The following KCNH7 variants were observed in gnomAD, a reference collection of about 807,000 sequenced individuals.
KCNH7 encodes the protein potassium voltage-gated channel subfamily H member 7, also known as voltage-gated inwardly rectifying potassium channel KCNH7.
Under a neutral mutation model 120.8 loss-of-function variants are expected in KCNH7, and 49 were observed. That is an observed-to-expected ratio of 0.41 (90% CI 0.32 to 0.51). The LOEUF (loss-of-function observed/expected upper bound fraction) is 0.51, where lower values mean the gene tolerates loss of function less well. Among genes scored for constraint, KCNH7 ranks in the 20% least tolerant of loss-of-function variants. The pLI, the probability that KCNH7 is intolerant of heterozygous loss-of-function variation, is 0.38. For synonymous variants in KCNH7, 547 were observed against 516.1 expected (o/e 1.06, Z -0.81); for missense variants, 1,097 against 1,446.6 (o/e 0.76, Z 3.92).
chr2:162,558,738 T>C (rs1692949038), intron 2 of KCNH7, among the ~76,000 whole-genome samples: 1 of 150,510 alleles, frequency 6.6e-6, no homozygotes, highest in Admixed American at 6.6e-5. Context: ...TTGATAGGAG[T>C]TATTTCATAC....
At chr2:162,654,530 C>A (rs1043859075) in intron 2 of KCNH7, among the ~76,000 whole-genome samples, 2 of 151,660 alleles carry the variant, frequency 1.3e-5, no homozygotes, top group Admixed American at 6.6e-5. Flanking sequence ...AAAAGGAAAA[C>A]CTTGCACACT....
At chr2:162,456,599 G>A (rs1688971875) in intron 6 of KCNH7, among the ~76,000 whole-genome samples, 1 of 152,038 alleles carries the variant, frequency 6.6e-6, no homozygotes, top group Admixed American at 6.6e-5. Flanking sequence ...TATTGAGAGT[G>A]GGGTGTTAAA....
At chr2:162,793,109 T>C (rs746884018) in intron 2 of KCNH7, among the ~76,000 whole-genome samples, 4 of 152,018 alleles carry the variant, frequency 2.6e-5, no homozygotes, top group Non-Finnish European at 5.9e-5. Context: ...TGGAATACTA[T>C]GCAGCCATAA....
intron 14 of KCNH7, among the ~76,000 whole-genome samples, chr2:162,376,850 T>C (rs901495344): frequency 4.6e-5 from 7 of 152,204 alleles, no homozygotes; most frequent in African/African-American, 1.7e-4. Flanking sequence ...TAAATAGATG[T>C]ATCTGCAGGC....
intron 2 of KCNH7, among the ~76,000 whole-genome samples, chr2:162,632,693 A>G (rs1683816196): frequency 6.6e-6 from 1 of 151,860 alleles, no homozygotes; most frequent in Admixed American, 6.6e-5. Context: ...CTATAAATAC[A>G]TATAAATATA....
At chr2:162,489,585 C>A (rs901077218) in intron 6 of KCNH7, among the ~76,000 whole-genome samples, 1 of 152,134 alleles carries the variant, frequency 6.6e-6, no homozygotes, top group Non-Finnish European at 1.5e-5. Context: ...TAATCAAAGG[C>A]CCTTGAAGAC....
At chr2:162,378,699 C>T (rs12475446) in intron 14 of KCNH7, among the ~76,000 whole-genome samples, 6,405 of 152,240 alleles carry the variant, frequency 0.042, 388 homozygotes, top group Admixed American at 0.16. Flanking sequence ...GGTAAACAAC[C>T]GTCATCCCAA....
At chr2:162,733,282 C>T (rs1450617379) in intron 2 of KCNH7, among the ~76,000 whole-genome samples, 5 of 152,314 alleles carry the variant, frequency 3.3e-5, no homozygotes, top group African/African-American at 7.2e-5. Flanking sequence ...CTTCTTTAAA[C>T]GTATTACTTT....
intron 2 of KCNH7, among the ~76,000 whole-genome samples, chr2:162,602,382 G>C (rs1694588287): frequency 6.6e-6 from 1 of 152,074 alleles, no homozygotes; most frequent in Non-Finnish European, 1.5e-5. Flanking sequence ...CAAGGTTAGA[G>C]ATCTGAGGAA....
intron 6 of KCNH7, among the ~76,000 whole-genome samples, chr2:162,489,138 A>G (rs535194099): frequency 6.6e-6 from 1 of 152,358 alleles, no homozygotes; most frequent in Admixed American, 6.5e-5. Context: ...CTGCTTAATT[A>G]AAAATTCCAC....
intron 13 of KCNH7, among the ~76,000 whole-genome samples, chr2:162,382,969 A>T (rs1031369322): frequency 2.6e-5 from 4 of 151,996 alleles, no homozygotes; most frequent in South Asian, 2.1e-4. Context: ...GTAAATTTTT[A>T]AAAATTAGAA....
chr2:162,694,662 T>C (rs532713776), intron 2 of KCNH7, among the ~76,000 whole-genome samples: 1 of 152,070 alleles, frequency 6.6e-6, no homozygotes. Context: ...GCAAAACTAC[T>C]AAGAGGAGGT....
chr2:162,576,586 C>T (rs568303699), intron 2 of KCNH7, among the ~76,000 whole-genome samples: 8 of 152,094 alleles, frequency 5.3e-5, no homozygotes, highest in African/African-American at 1.9e-4. Context: ...CTCTATGTTT[C>T]TCACACTTTT....
At chr2:162,569,150 A>G (rs1574113326) in intron 2 of KCNH7, among the ~76,000 whole-genome samples, 1 of 151,970 alleles carries the variant, frequency 6.6e-6, no homozygotes, top group African/African-American at 2.4e-5. Flanking sequence ...CTGTGAATCC[A>G]TCTGGTCCTG....
At chr2:162,687,552 C>T (rs1179388168) in intron 2 of KCNH7, among the ~76,000 whole-genome samples, 2 of 151,898 alleles carry the variant, frequency 1.3e-5, no homozygotes, top group Non-Finnish European at 2.9e-5. Context: ...GCAATTTTTC[C>T]CAATTCTACA....
intron 8 of KCNH7, among the ~76,000 whole-genome samples, chr2:162,429,052 C>A (rs954842610): frequency 6.6e-6 from 1 of 151,674 alleles, no homozygotes; most frequent in African/African-American, 2.4e-5. Context: ...CTGCATTTCC[C>A]TTTTCACTTA....
At chr2:162,528,541 G>A (rs1159742873) in intron 3 of KCNH7, among the ~76,000 whole-genome samples, 1 of 151,960 alleles carries the variant, frequency 6.6e-6, no homozygotes, top group East Asian at 1.9e-4. Context: ...GGAATAAAGT[G>A]AATGGTAGCT....
intron 13 of KCNH7, 123 bp downstream of exon 13, chr2:162,384,565 A>G (rs1241864088): frequency 2.2e-5 from 22 of 987,768 alleles, no homozygotes; most frequent in Admixed American, 4.6e-5. Flanking sequence ...ACGCTTCGCG[A>G]ACATTTCATG....
chr2:162,430,802 A>C (rs1385014518), intron 8 of KCNH7, among the ~76,000 whole-genome samples: 2 of 151,954 alleles, frequency 1.3e-5, no homozygotes, highest in East Asian at 3.9e-4. Flanking sequence ...ATGCTTGTCA[A>C]GCAGGTCAGA....
Sources: allele counts gnomAD v4.1 joint callset (sites outside exome capture counted in the v4.1 genomes callset), GRCh38; gene constraint gnomAD v4.1.1; transcripts MANE v1.5; gene names NCBI Gene and HGNC (gene_info 2026-07-23, HGNC 2026-07-21).